Variants in CCSER1 observed in about 807,000 individuals in gnomAD.
The protein encoded by CCSER1 is coiled-coil serine rich protein 1, also known as serine-rich coiled-coil domain-containing protein 1.
Under a neutral mutation model 82.0 loss-of-function variants are expected in CCSER1, and 41 were observed. That is an observed-to-expected ratio of 0.50 (90% CI 0.39 to 0.65). The LOEUF is 0.65. Ranked by LOEUF, CCSER1 falls within the 30% of genes least tolerant of loss-of-function variation. The pLI, the probability that CCSER1 is intolerant of heterozygous loss-of-function variation, is 0.00. For synonymous variants in CCSER1, 414 were observed against 383.9 expected (o/e 1.08, Z -0.92); for missense variants, 1,119 against 1,064.2 (o/e 1.05, Z -0.72).
At chr4:90,990,056 T>A (rs547269461) in intron 9 of CCSER1, among the ~76,000 whole-genome samples, 1 of 151,992 alleles carries the variant, frequency 6.6e-6, no homozygotes, top group Non-Finnish European at 1.5e-5. Flanking sequence ...TTTAAGAGAT[T>A]GTGTGACATT....
intron 10 of CCSER1, among the ~76,000 whole-genome samples, chr4:91,509,518 C>T (rs919784534): frequency 6.6e-6 from 1 of 151,770 alleles, no homozygotes; most frequent in Non-Finnish European, 1.5e-5. Context: ...TCTGGAGAAC[C>T]CTTTGGAACT....
chr4:90,640,761 C>T (rs1409194865), intron 6 of CCSER1, among the ~76,000 whole-genome samples: 1 of 152,138 alleles, frequency 6.6e-6, no homozygotes, highest in African/African-American at 2.4e-5. Flanking sequence ...TTTCGCTCTG[C>T]ACTTCTCCTT....
intron 6 of CCSER1, among the ~76,000 whole-genome samples, chr4:90,650,827 C>T (rs1413527601): frequency 1.3e-5 from 2 of 152,166 alleles, no homozygotes; most frequent in Non-Finnish European, 2.9e-5. Flanking sequence ...CTTTTCTTCT[C>T]CATTTCTATA....
At chr4:91,393,722 T>C (rs1369991070) in intron 10 of CCSER1, among the ~76,000 whole-genome samples, 1 of 152,078 alleles carries the variant, frequency 6.6e-6, no homozygotes, top group African/African-American at 2.4e-5. Flanking sequence ...TTTTTCAATA[T>C]TTTATTGTTT....
At chr4:90,284,592 T>C (rs1377156691) in intron 1 of CCSER1, among the ~76,000 whole-genome samples, 2 of 151,592 alleles carry the variant, frequency 1.3e-5, no homozygotes, top group South Asian at 2.1e-4. Flanking sequence ...CTCCTGGGCT[T>C]AAGCCATCCT....
chr4:90,586,604 C>T (rs1782047855), intron 5 of CCSER1, among the ~76,000 whole-genome samples: 1 of 152,172 alleles, frequency 6.6e-6, no homozygotes, highest in South Asian at 2.1e-4. Context: ...TAATATCCTA[C>T]AGGGCTATGA....
chr4:91,130,313 T>G (rs1413436010), intron 10 of CCSER1, among the ~76,000 whole-genome samples: 1 of 151,914 alleles, frequency 6.6e-6, no homozygotes, highest in Non-Finnish European at 1.5e-5. Flanking sequence ...TTGACTATTT[T>G]TAAGTGTAAT....
chr4:90,658,978 T>C (rs1405824844), intron 6 of CCSER1, among the ~76,000 whole-genome samples: 1 of 152,130 alleles, frequency 6.6e-6, no homozygotes, highest in Non-Finnish European at 1.5e-5. Flanking sequence ...TGATATTTTC[T>C]TCCCGTTTTC....
chr4:90,853,184 T>C (rs538627535), intron 8 of CCSER1, among the ~76,000 whole-genome samples: 1 of 152,290 alleles, frequency 6.6e-6, no homozygotes, highest in East Asian at 1.9e-4. Flanking sequence ...GGCTTTGTAT[T>C]CTCTGTAAGG....
In CCSER1 at chr4:90,545,413, A is replaced by G. The variant is rs917715088; in HGVS notation, c.1724+77059A>G. On this transcript the variant is annotated intron_variant, in intron 5 of 10. Transcript: ENST00000509176. ...TTCTTCAATGACTATAAGGTTAACA[A>G]AACCTAACCATGATTTATAATTTAA... 1.6e-4 allele frequency among the ~76,000 whole-genome samples: 24 copies of G among 152,224 alleles called. 2 individuals carry two copies. Among genetic ancestry groups the G allele is most frequent in the African/African-American group, 5.1e-4 (21 of 41,560 alleles).
intron 4 of CCSER1, among the ~76,000 whole-genome samples, chr4:90,467,388 A>C (rs890346402): frequency 5.9e-5 from 9 of 151,526 alleles, no homozygotes; most frequent in African/African-American, 2.2e-4. Context: ...CTTCTAAAAA[A>C]ATAAAAAATA....
At chr4:90,732,027 TTCTCTCTC>T (rs76331329) in intron 7 of CCSER1, among the ~76,000 whole-genome samples, 76 of 131,190 alleles carry the variant, frequency 5.8e-4, no homozygotes, top group Admixed American at 1.3e-3. Flanking sequence ...CTATTGGGAT[TTCTCTCTC>T]TCTCTCTCTC....
chr4:90,935,566 A>G (rs888537998), intron 9 of CCSER1, among the ~76,000 whole-genome samples: 1 of 152,218 alleles, frequency 6.6e-6, no homozygotes, highest in Non-Finnish European at 1.5e-5. Flanking sequence ...TGTTAATACT[A>G]CAAGTCTGTT....
chr4:90,631,955 G>T (rs1272103743), intron 6 of CCSER1, among the ~76,000 whole-genome samples: 1 of 151,960 alleles, frequency 6.6e-6, no homozygotes. Flanking sequence ...CATCTCATAA[G>T]GTATATGCAA....
chr4:90,487,645 C>A (rs74929753), intron 5 of CCSER1, among the ~76,000 whole-genome samples: 206 of 152,002 alleles, frequency 1.4e-3, no homozygotes, highest in Non-Finnish European at 2.1e-3. Context: ...TCTAGTGTTT[C>A]TTTGTTTGTT....
intron 4 of CCSER1, among the ~76,000 whole-genome samples, chr4:90,451,754 G>A (rs1761488629): frequency 1.3e-5 from 2 of 152,128 alleles, no homozygotes; most frequent in Admixed American, 1.3e-4. Flanking sequence ...GATATATGAG[G>A]CCCTCTTGCT....
chr4:90,260,256 G>A (rs537983397), intron 1 of CCSER1, among the ~76,000 whole-genome samples: 1 of 152,268 alleles, frequency 6.6e-6, no homozygotes, highest in South Asian at 2.1e-4. Flanking sequence ...GCATGTAAAG[G>A]TGTTCATAGT....
intron 8 of CCSER1, among the ~76,000 whole-genome samples, chr4:90,835,658 C>T (rs1341604378): frequency 6.6e-6 from 1 of 152,006 alleles, no homozygotes; most frequent in African/African-American, 2.4e-5. Flanking sequence ...TCGATAACAT[C>T]TAATGCTTTG....
intron 6 of CCSER1, among the ~76,000 whole-genome samples, chr4:90,664,977 T>A (rs1235596745): frequency 6.6e-6 from 1 of 152,210 alleles, no homozygotes; most frequent in Non-Finnish European, 1.5e-5. Context: ...GAATTTTAGT[T>A]CTGTGGAAAA....
Sources: allele counts gnomAD v4.1 joint callset (sites outside exome capture counted in the v4.1 genomes callset), GRCh38; gene constraint gnomAD v4.1.1; transcripts MANE v1.5; gene names NCBI Gene and HGNC (gene_info 2026-07-23, HGNC 2026-07-21).